Variants in SAMMSON observed in about 807,000 individuals in gnomAD.
SAMMSON encodes the protein long intergenic non-protein coding RNA 1212.
intron 4 of SAMMSON, among the ~76,000 whole-genome samples, chr3:70,243,309 T>C (rs1323759481): frequency 1.3e-5 from 2 of 152,110 alleles, no homozygotes; most frequent in African/African-American, 4.8e-5. Flanking sequence ...AAGCAATAAT[T>C]TTCATTTTTC....
At chr3:70,078,095 G>A (rs1232629725) in intron 4 of SAMMSON, among the ~76,000 whole-genome samples, 1 of 152,074 alleles carries the variant, frequency 6.6e-6, no homozygotes, top group East Asian at 1.9e-4. Context: ...TGTGTGTGGG[G>A]GGAAGATTTA....
chr3:70,349,734 C>T (rs982282769), intron 7 of SAMMSON, among the ~76,000 whole-genome samples: 1 of 152,092 alleles, frequency 6.6e-6, no homozygotes, highest in African/African-American at 2.4e-5. Context: ...ATTTCTTCCC[C>T]CTGGCAGGGG....
chr3:70,407,965 G>A (rs1425274207), intron 2 of SAMMSON, among the ~76,000 whole-genome samples: 2 of 152,252 alleles, frequency 1.3e-5, no homozygotes, highest in Non-Finnish European at 2.9e-5. Flanking sequence ...CTAGGCAGAG[G>A]TTCCCAAACC....
At chr3:70,151,947 AATC>A (rs1461981341) in intron 4 of SAMMSON, among the ~76,000 whole-genome samples, 11 of 151,984 alleles carry the variant, frequency 7.2e-5, no homozygotes, top group Non-Finnish European at 1.5e-4. Context: ...TTTTAAGTAA[AATC>A]ATATTATTAA....
intron 4 of SAMMSON, among the ~76,000 whole-genome samples, chr3:70,196,068 A>G (rs892855261): frequency 6.6e-6 from 1 of 152,236 alleles, no homozygotes; most frequent in Non-Finnish European, 1.5e-5. Context: ...ATAGTTTTGT[A>G]AAATGAGCTG....
intron 6 of SAMMSON, among the ~76,000 whole-genome samples, chr3:70,290,932 C>A (rs932146347): frequency 6.6e-6 from 1 of 152,112 alleles, no homozygotes; most frequent in South Asian, 2.1e-4. Context: ...GCACGGTGCG[C>A]GCACCCACTG....
intron 4 of SAMMSON, among the ~76,000 whole-genome samples, chr3:70,096,857 A>G (rs1315355383): frequency 6.6e-6 from 1 of 152,166 alleles, no homozygotes; most frequent in African/African-American, 2.4e-5. Flanking sequence ...ACCCTAAAGA[A>G]CTATGAGGTG....
At chr3:70,388,199 A>G (rs1319936365) in intron 9 of SAMMSON, among the ~76,000 whole-genome samples, 2 of 152,134 alleles carry the variant, frequency 1.3e-5, no homozygotes, top group Non-Finnish European at 2.9e-5. Flanking sequence ...GCAAACTGTA[A>G]CCTGTAGGCC....
chr3:70,281,728 C>T (rs1575614470), intron 6 of SAMMSON, among the ~76,000 whole-genome samples: 4 of 152,274 alleles, frequency 2.6e-5, no homozygotes, highest in African/African-American at 2.4e-5. Context: ...TCCTTCTCGT[C>T]TTTGGAATTC....
chr3:70,217,241 A>G (rs1701421502), intron 4 of SAMMSON, among the ~76,000 whole-genome samples: 1 of 152,136 alleles, frequency 6.6e-6, no homozygotes, highest in South Asian at 2.1e-4. Flanking sequence ...TACATGGTGA[A>G]TCATAAGCTA....
At chr3:70,402,588 G>A (rs142869908) in intron 2 of SAMMSON, among the ~76,000 whole-genome samples, 136 of 152,306 alleles carry the variant, frequency 8.9e-4, no homozygotes, top group Non-Finnish European at 1.5e-3. Flanking sequence ...TGGGCTAGGT[G>A]TAGTGGCTTA....
chr3:70,015,645 A>G (rs1316593498), intron 3 of SAMMSON, among the ~76,000 whole-genome samples: 1 of 148,828 alleles, frequency 6.7e-6, no homozygotes. Flanking sequence ...TACATGTGCA[A>G]TGTTGGTGTG....
chr3:70,034,145 C>T (rs2067076563), intron 3 of SAMMSON, among the ~76,000 whole-genome samples: 1 of 152,004 alleles, frequency 6.6e-6, no homozygotes, highest in Admixed American at 6.6e-5. Flanking sequence ...AGAGATGGAA[C>T]CAAAGCTGGG....
intron 4 of SAMMSON, among the ~76,000 whole-genome samples, chr3:70,167,204 C>G (rs889246265): frequency 6.6e-6 from 1 of 151,944 alleles, no homozygotes; most frequent in African/African-American, 2.4e-5. Flanking sequence ...TGGCTAGTGA[C>G]TATCGTATTG....
chr3:70,387,949 C>A (rs1437710049), intron 9 of SAMMSON, among the ~76,000 whole-genome samples: 1 of 147,418 alleles, frequency 6.8e-6, no homozygotes, highest in East Asian at 2.1e-4. Flanking sequence ...CTGGCTTAAC[C>A]ATTGCTACTT....
At chr3:70,078,714 G>A (rs1405058334) in intron 4 of SAMMSON, among the ~76,000 whole-genome samples, 5 of 152,012 alleles carry the variant, frequency 3.3e-5, no homozygotes, top group South Asian at 4.1e-4. Flanking sequence ...AGATGACTCC[G>A]TAACAGGGCC....
chr3:70,167,208 C>T (rs746665725), intron 4 of SAMMSON, among the ~76,000 whole-genome samples: 6 of 151,904 alleles, frequency 3.9e-5, no homozygotes, highest in Non-Finnish European at 7.4e-5. Flanking sequence ...TAGTGACTAT[C>T]GTATTGGAGA....
At chr3:70,412,773 G>A (rs1575644196) in intron 2 of SAMMSON, among the ~76,000 whole-genome samples, 1 of 152,222 alleles carries the variant, frequency 6.6e-6, no homozygotes, top group Non-Finnish European at 1.5e-5. Flanking sequence ...GTGACATCTT[G>A]AATAAAATCG....
intron 3 of SAMMSON, among the ~76,000 whole-genome samples, chr3:70,052,877 T>G (rs1250109922): frequency 6.6e-6 from 1 of 152,152 alleles, no homozygotes; most frequent in Non-Finnish European, 1.5e-5. Flanking sequence ...TATTCCAACG[T>G]TAATGCGTAT....
Sources: gnomAD v4.1 joint callset for allele counts (sites outside exome capture counted in the v4.1 genomes callset) on GRCh38, gnomAD v4.1.1 for gene constraint, MANE v1.5 for transcripts, NCBI Gene and HGNC (gene_info 2026-07-23, HGNC 2026-07-21) for gene names.